Variants in SOCS5 observed in about 807,000 individuals in gnomAD.
SOCS5 encodes the protein suppressor of cytokine signaling 5.
A neutral mutation model predicts 42.8 loss-of-function variants in SOCS5; 32 were observed. The observed-to-expected ratio is 0.75, with a 90% CI of 0.56 to 1.01. The LOEUF (loss-of-function observed/expected upper bound fraction) is 1.01. SOCS5 is among the 50% of genes least tolerant of loss of function. SOCS5 has a pLI of 0.00. For missense variants in SOCS5, 627 were observed against 653.0 expected (o/e 0.96, Z 0.43); for synonymous variants, 283 against 229.6 (o/e 1.23, Z -2.10).
chr2:46,703,386 T>C (rs1050982838), intron 1 of SOCS5, among the ~76,000 whole-genome samples: 2 of 151,904 alleles, frequency 1.3e-5, no homozygotes, highest in Non-Finnish European at 2.9e-5. Context: ...AGAATTTTAG[T>C]GTTTGAAGAG....
At chr2:46,712,510 A>C in intron 1 of SOCS5, among the ~76,000 whole-genome samples, 1 of 151,930 alleles carries the variant, frequency 6.6e-6, no homozygotes, top group Non-Finnish European at 1.5e-5. Flanking sequence ...CGCCCAGATA[A>C]TTTTTGTATT....
chr2:46,734,320 C>T (rs945518741), intron 1 of SOCS5, among the ~76,000 whole-genome samples: 1 of 151,834 alleles, frequency 6.6e-6, no homozygotes, highest in Admixed American at 6.6e-5. Flanking sequence ...TCTTTATAAC[C>T]CTTTGAGAGG....
At position 46,717,760 on chromosome 2, in the gene SOCS5, G is replaced by A. The variant is rs191189970; in HGVS notation, c.-13+18311G>A. Among the ~76,000 whole-genome samples, 5 of 152,252 alleles carry A rather than the reference G, an allele frequency of 3.3e-5. No individual in the cohort carries two copies. In the East Asian group the frequency reaches 9.6e-4, roughly 29 times the overall value. On this transcript the variant is annotated intron_variant, in intron 1 of 1. Transcript: ENST00000394861. ...GGCATGCCTTTTCAGAGTCTGTGTT[G>A]AAAGCATGGGGTATTCAACAAGGTC...
At chr2:46,735,128 A>C (rs1164679235) in intron 1 of SOCS5, among the ~76,000 whole-genome samples, 2 of 152,200 alleles carry the variant, frequency 1.3e-5, no homozygotes, top group Non-Finnish European at 2.9e-5. Context: ...AGAGACTTCA[A>C]AATAAGGATG....
intron 1 of SOCS5, among the ~76,000 whole-genome samples, chr2:46,744,690 C>T (rs1049274775): frequency 6.6e-6 from 1 of 151,732 alleles, no homozygotes; most frequent in Non-Finnish European, 1.5e-5. Flanking sequence ...CCCATGCCCG[C>T]TAATTTTTTG....
chr2:46,740,639 G>T (rs970022201), intron 1 of SOCS5, among the ~76,000 whole-genome samples: 1 of 152,162 alleles, frequency 6.6e-6, no homozygotes, highest in Non-Finnish European at 1.5e-5. Context: ...AGAGATACCA[G>T]CTGGTGGCTG....
At chr2:46,757,888 AG>A (rs1167835203) in intron 1 of SOCS5, among the ~76,000 whole-genome samples, 1 of 152,240 alleles carries the variant, frequency 6.6e-6, no homozygotes, top group East Asian at 1.9e-4. Context: ...AAAGGAAAAA[AG>A]ACACCTTTCC....
chr2:46,733,020 C>A (rs1461730348), intron 1 of SOCS5, among the ~76,000 whole-genome samples: 1 of 151,780 alleles, frequency 6.6e-6, no homozygotes, highest in African/African-American at 2.4e-5. Flanking sequence ...TAATGTGTAT[C>A]CACTGGCAAA....
intron 1 of SOCS5, among the ~76,000 whole-genome samples, chr2:46,703,716 G>A (rs1316170344): frequency 1.3e-5 from 2 of 152,184 alleles, no homozygotes; most frequent in African/African-American, 4.8e-5. Flanking sequence ...CTGAGTAGGT[G>A]TAGACTGTAC....
intron 1 of SOCS5, among the ~76,000 whole-genome samples, chr2:46,745,391 A>G (rs1673475361): frequency 6.6e-6 from 1 of 152,228 alleles, no homozygotes; most frequent in Non-Finnish European, 1.5e-5. Flanking sequence ...TGTAGCTGAC[A>G]CTACATTTAC....
chr2:46,706,526 G>A (rs1672466607), intron 1 of SOCS5, among the ~76,000 whole-genome samples: 1 of 152,190 alleles, frequency 6.6e-6, no homozygotes, highest in African/African-American at 2.4e-5. Context: ...AGCTAGGAAT[G>A]TCTTGGTGTA....
chr2:46,719,624 C>T (rs756754591), intron 1 of SOCS5, among the ~76,000 whole-genome samples: 4 of 152,182 alleles, frequency 2.6e-5, no homozygotes, highest in Admixed American at 6.5e-5. Context: ...GTCTGTATCC[C>T]TGGCATCTTA....
At chr2:46,727,281 G>C (rs956702110) in intron 1 of SOCS5, among the ~76,000 whole-genome samples, 1 of 151,536 alleles carries the variant, frequency 6.6e-6, no homozygotes, top group South Asian at 2.1e-4. Context: ...CCCGAGTAGC[G>C]GAGCATTTTT....
rs72881402 is a variant in SOCS5 at position 46,739,897 on chromosome 2, A to G, written c.-12-18622A>G. Among the ~76,000 whole-genome samples, 1,299 of 152,266 alleles carry G rather than the reference A, an allele frequency of 8.5e-3. 23 individuals are homozygous for G. The highest frequency in any genetic ancestry group is 0.029 in the African/African-American group (1,207 of 41,546). On this transcript the variant is annotated intron_variant, in intron 1 of 1. Coordinates refer to ENST00000394861, the MANE Select transcript of SOCS5 (RefSeq NM_144949.3). ...TAAGATATTTATTCTGCTCTACTTT[A>G]TAATATTGAAAAACGCAGCTGTGAC...
At chr2:46,729,940 T>A (rs1041518806) in intron 1 of SOCS5, among the ~76,000 whole-genome samples, 5 of 152,222 alleles carry the variant, frequency 3.3e-5, no homozygotes, top group Non-Finnish European at 7.3e-5. Flanking sequence ...TATATCCTTA[T>A]TCTATAAGCT....
rs368018361 is a variant in SOCS5 at position 46,760,160 on chromosome 2, G to T, written c.*19G>T. On this transcript the variant is annotated 3_prime_UTR_variant, in exon 2 of 2. Transcript: ENST00000394861. ...AAAGTAAACTCTCCGGTCCCCAAAG[G>T]TTGTTAACTAGGTCCGCTTTCATGT... The T allele has an allele frequency of 1.3e-6, 2 of 1,592,416 alleles. No homozygotes were observed. The highest frequency in any genetic ancestry group is 1.7e-6 in the Non-Finnish European group (2 of 1,166,418).
chr2:46,758,433 C>G, intron 1 of SOCS5, 86 bp from the exon 2 acceptor site: 1 of 847,842 alleles, frequency 1.2e-6, no homozygotes, highest in Non-Finnish European at 1.8e-6. Context: ...AAATTCTGGA[C>G]GGGAAGGGGT....
At chr2:46,709,573 C>T (rs1439611855) in intron 1 of SOCS5, among the ~76,000 whole-genome samples, 2 of 151,928 alleles carry the variant, frequency 1.3e-5, no homozygotes, top group East Asian at 3.9e-4. Context: ...AAAAACAGTA[C>T]CAAGAAAGTA....
intron 1 of SOCS5, among the ~76,000 whole-genome samples, chr2:46,721,727 C>A (rs1672888780): frequency 6.6e-6 from 1 of 152,092 alleles, no homozygotes; most frequent in African/African-American, 2.4e-5. Context: ...TAGCTGTCTT[C>A]TTTGAATTAT....
Sources: gnomAD v4.1 joint callset for allele counts (sites outside exome capture counted in the v4.1 genomes callset) on GRCh38, gnomAD v4.1.1 for gene constraint, MANE v1.5 for transcripts, NCBI Gene and HGNC (gene_info 2026-07-23, HGNC 2026-07-21) for gene names.